The following PRPSAP2 variants were observed in gnomAD, a reference collection of about 807,000 sequenced individuals.
PRPSAP2 encodes phosphoribosyl pyrophosphate synthetase associated protein 2, also known as phosphoribosyl pyrophosphate synthase-associated protein 2.
PRPSAP2 carries 24 observed loss-of-function variants against 40.6 expected under a neutral mutation model. The observed-to-expected ratio is 0.59, with a 90% CI of 0.43 to 0.83. PRPSAP2 has a LOEUF of 0.83. PRPSAP2 is among the 40% of genes least tolerant of loss of function. The pLI is 0.00. For synonymous variants in PRPSAP2, 149 were observed against 164.7 expected (o/e 0.90, Z 0.73); for missense variants, 292 against 465.6 (o/e 0.63, Z 3.43).
chr17:18,889,827 A>G lies in PRPSAP2; in HGVS notation c.534A>G (p.Pro178=), dbSNP rs776189721. 3.1e-5 allele frequency: 50 copies of G among 1,608,526 alleles called. 1 individual carries two copies. In the South Asian group the frequency reaches 4.8e-4, roughly 15 times the overall value. ...FLLQYIQEEI[P]DYRNAVIVAK... ...TGACTTCTTGTCTGTCACAGATCCCAGATTACAGGAATGCAGTAATCGTGG... is the reference window on the plus strand; with the variant it reads ...TGACTTCTTGTCTGTCACAGATCCCGGATTACAGGAATGCAGTAATCGTGG... Residue 178 remains proline (P), a synonymous_variant, in exon 8 of 12, where the codon CCA becomes CCG. Transcript: ENST00000268835.
At chr17:18,881,429 G>A (rs1172505468) in intron 6 of PRPSAP2, among the ~76,000 whole-genome samples, 2 of 148,018 alleles carry the variant, frequency 1.4e-5, no homozygotes, top group African/African-American at 5.0e-5. Flanking sequence ...GTAGAGATGA[G>A]GTTTCGCCAT....
chr17:18,926,546 C>G (rs531178833), intron 10 of PRPSAP2, among the ~76,000 whole-genome samples: 3 of 152,082 alleles, frequency 2.0e-5, no homozygotes, highest in African/African-American at 7.2e-5. Flanking sequence ...GGATTACAGG[C>G]GCAAGCCACT....
At chr17:18,904,626 C>G (rs8071783) in intron 8 of PRPSAP2, 82,245 of 152,088 alleles carry the variant, frequency 0.54, 22,582 homozygotes, top group Middle Eastern at 0.6. Context: ...AGGTCGAAGT[C>G]CAGAGCTATT....
intron 7 of PRPSAP2, 30 bp downstream of exon 7, chr17:18,882,713 C>T: frequency 7.3e-7 from 1 of 1,361,158 alleles, no homozygotes; most frequent in South Asian, 1.2e-5. Flanking sequence ...TTTATTTTAA[C>T]ATTCTGATTA....
At chr17:18,862,912 C>G (rs918884370) in intron 1 of PRPSAP2, among the ~76,000 whole-genome samples, 7 of 151,624 alleles carry the variant, frequency 4.6e-5, no homozygotes, top group African/African-American at 1.7e-4. Flanking sequence ...ACTTCGCCTC[C>G]CAGGTTCACG....
intron 7 of PRPSAP2, among the ~76,000 whole-genome samples, chr17:18,889,163 T>G (rs2039377199): frequency 6.6e-6 from 1 of 152,266 alleles, no homozygotes; most frequent in Non-Finnish European, 1.5e-5. Flanking sequence ...CATGTGATTA[T>G]GCCGGAGGCA....
intron 8 of PRPSAP2, among the ~76,000 whole-genome samples, chr17:18,897,453 GTGTTGTTGT>G (rs11271940): frequency 2.0e-5 from 3 of 150,484 alleles, no homozygotes; most frequent in African/African-American, 7.4e-5. Context: ...CTCTATAGTG[GTGTTGTTGT>G]TGTTGTTGTT....
At chr17:18,901,973 G>A (rs914886644) in intron 8 of PRPSAP2, among the ~76,000 whole-genome samples, 9 of 151,850 alleles carry the variant, frequency 5.9e-5, no homozygotes, top group Admixed American at 2.0e-4. Flanking sequence ...TTGTAGCAAC[G>A]GGATCTCCCT....
chr17:18,901,083 C>T (rs954621158), intron 8 of PRPSAP2, among the ~76,000 whole-genome samples: 4 of 152,234 alleles, frequency 2.6e-5, no homozygotes, highest in East Asian at 1.9e-4. Flanking sequence ...ACTCATGCGG[C>T]GGAAATGTGG....
At chr17:18,891,589 A>C (rs1280537666) in intron 8 of PRPSAP2, among the ~76,000 whole-genome samples, 1 of 152,236 alleles carries the variant, frequency 6.6e-6, no homozygotes, top group Non-Finnish European at 1.5e-5. Context: ...GTAGGTGAAA[A>C]ATCACATAAT....
intron 9 of PRPSAP2, among the ~76,000 whole-genome samples, chr17:18,920,103 A>T (rs2041609291): frequency 6.6e-6 from 1 of 152,186 alleles, no homozygotes; most frequent in Non-Finnish European, 1.5e-5. Context: ...TAGGAACCTC[A>T]GCAGAACCCT....
chr17:18,894,101 C>T (rs907534509), intron 8 of PRPSAP2, among the ~76,000 whole-genome samples: 2 of 151,852 alleles, frequency 1.3e-5, no homozygotes, highest in African/African-American at 2.4e-5. Flanking sequence ...GATCCACCCA[C>T]CTCTGACTCC....
chr17:18,906,793 C>T (rs1003166914), intron 8 of PRPSAP2, among the ~76,000 whole-genome samples: 3 of 152,076 alleles, frequency 2.0e-5, no homozygotes, highest in Non-Finnish European at 2.9e-5. Context: ...GTGATCTGCC[C>T]GCCTTAGCCT....
intron 8 of PRPSAP2, among the ~76,000 whole-genome samples, chr17:18,892,688 A>AGT (rs3043879): frequency 0.055 from 4,124 of 75,350 alleles, 225 homozygotes; most frequent in East Asian, 0.19. Context: ...CAGCCTGTTG[A>AGT]GTGTGTGTGT....
At chr17:18,857,110 G>T (rs948116333), upstream of PRPSAP2, among the ~76,000 whole-genome samples, 2 of 152,098 alleles carry the variant, frequency 1.3e-5, no homozygotes, top group Non-Finnish European at 2.9e-5. Flanking sequence ...GAGGCGGGCG[G>T]ATCACTTGAG....
At chr17:18,917,476 T>C (rs2041388441) in intron 9 of PRPSAP2, 1 of 147,084 alleles carries the variant, frequency 6.8e-6, no homozygotes, top group African/African-American at 2.5e-5. Flanking sequence ...AACCTCGGCC[T>C]CCCAGGTTCA....
chr17:18,866,437 A>G (rs6502672), intron 3 of PRPSAP2, among the ~76,000 whole-genome samples: 81,455 of 151,844 alleles, frequency 0.54, 22,147 homozygotes, highest in Middle Eastern at 0.6. Context: ...GGTGGCGGGC[A>G]CCTGTAGTCC....
intron 4 of PRPSAP2, among the ~76,000 whole-genome samples, chr17:18,868,522 G>A (rs1208617492): frequency 2.6e-5 from 4 of 151,848 alleles, no homozygotes; most frequent in African/African-American, 9.7e-5. Flanking sequence ...CAGGAGCGAT[G>A]GACAGCTTGC....
At chr17:18,890,233 G>A (rs975670037) in intron 8 of PRPSAP2, among the ~76,000 whole-genome samples, 4 of 151,644 alleles carry the variant, frequency 2.6e-5, no homozygotes, top group Non-Finnish European at 2.9e-5. Context: ...GCAGTGGCGC[G>A]ATCTCGGCTC....
Sources: gnomAD v4.1 joint callset for allele counts (sites outside exome capture counted in the v4.1 genomes callset) on GRCh38, gnomAD v4.1.1 for gene constraint, MANE v1.5 for transcripts, NCBI Gene and HGNC (gene_info 2026-07-23, HGNC 2026-07-21) for gene names.